The following SPAG17 variants were observed in gnomAD, a reference collection of about 807,000 sequenced individuals.
SPAG17 encodes sperm associated antigen 17.
A neutral mutation model predicts 273.6 loss-of-function variants in SPAG17; 169 were observed. That is an observed-to-expected ratio of 0.62 (90% CI 0.55 to 0.70). The LOEUF (loss-of-function observed/expected upper bound fraction) is 0.70, where lower values mean the gene tolerates loss of function less well. SPAG17 is among the 30% of genes least tolerant of loss of function. The pLI is 0.00. For missense variants in SPAG17, 2,557 were observed against 2,627.8 expected (o/e 0.97, Z 0.59); for synonymous variants, 825 against 873.2 (o/e 0.94, Z 0.97).
chr1:118,055,499 T>G (rs997152601), intron 19 of SPAG17, among the ~76,000 whole-genome samples: 2 of 152,124 alleles, frequency 1.3e-5, no homozygotes, highest in African/African-American at 2.4e-5. Flanking sequence ...GATGGAATCT[T>G]CCAGATTTGA....
intron 1 of SPAG17, among the ~76,000 whole-genome samples, chr1:118,168,244 G>A (rs913212783): frequency 6.6e-6 from 1 of 152,162 alleles, no homozygotes. Context: ...GGTGAGTGGT[G>A]ACATCATTCA....
In SPAG17 at chr1:117,991,490, C is replaced by CTTA. The variant is rs1657067717; in HGVS notation, c.5399_5400insTAA (p.Leu1800_Gln1801insLys). On this transcript the variant is annotated inframe_insertion, in exon 37 of 49. Transcript: ENST00000336338. ...TGGAATCTTTAACCATCATTTCCTG[C>CTTA]AGCTCATCTTCTTTCTTTAGAATAT... 1.2e-6 allele frequency: 2 copies of CTTA among 1,611,698 alleles called. No homozygotes were observed. Among genetic ancestry groups the CTTA allele is most frequent in the Admixed American group, 1.7e-5 (1 of 59,846 alleles).
intron 10 of SPAG17, among the ~76,000 whole-genome samples, chr1:118,089,820 A>ACTGTAATCC (rs1211300973): frequency 1.3e-5 from 2 of 152,224 alleles, no homozygotes; most frequent in Non-Finnish European, 2.9e-5. Flanking sequence ...CTCATCTCAA[A>ACTGTAATCC]CTGTAATCCC....
At position 118,074,547 on chromosome 1, in the gene SPAG17, G is replaced by T. The variant is rs879699441; in HGVS notation, c.2263C>A (p.His755Asn). 55 of 1,613,054 alleles carry T rather than the reference G, an allele frequency of 3.4e-5. No individual in the cohort carries two copies. The highest frequency in any genetic ancestry group is 4.3e-5 in the Non-Finnish European group (51 of 1,179,422). ...GAAAAATAATTCCTTACCTTTTCATGAGAATCAGCCTTTGTGACTGCATCA... is the reference window on the plus strand; with the variant it reads ...GAAAAATAATTCCTTACCTTTTCATTAGAATCAGCCTTTGTGACTGCATCA... ...KDDAVTKADS[H>N]EKKPKKMMVE... The change falls in exon 16 of 49, where the codon CAT becomes AAT. Residue 755 changes from histidine (H) to asparagine (N), a missense_variant. Transcript: ENST00000336338.
Position 118,091,948 on chromosome 1 carries a change from G to A in SPAG17, c.1228C>T (p.Pro410Ser). ...PGKKKAQYEE[P>S]QAPPPVTSVI... is the part of the protein sequence containing the mutation. Reference sequence around the variant, plus strand: ...TACATGCCTGGTGGTGGAGCTTGCGGTTCTTCATACTGTGCTTTCTTCTTT... The same window carrying A: ...TACATGCCTGGTGGTGGAGCTTGCGATTCTTCATACTGTGCTTTCTTCTTT... The change falls in exon 9 of 49, where the codon CCG (proline) becomes TCG (serine). Residue 410 changes from proline to serine, a missense_variant. Transcript: ENST00000336338. 6.2e-7 allele frequency: 1 copy of A among 1,613,704 alleles called. No homozygotes were observed. The highest frequency in any genetic ancestry group is 8.5e-7 in the Non-Finnish European group (1 of 1,179,668).
intron 1 of SPAG17, among the ~76,000 whole-genome samples, chr1:118,163,061 T>G (rs1660003610): frequency 6.6e-6 from 1 of 152,150 alleles, no homozygotes; most frequent in South Asian, 2.1e-4. Context: ...AGAATGGGGG[T>G]GAGGACAAGA....
In SPAG17 at chr1:118,031,814, G is replaced by T; in HGVS notation, c.3487C>A (p.Pro1163Thr). Residue 1163 changes from proline to threonine, a missense_variant, in exon 25 of 49, where the codon CCA becomes ACA. Pro to Thr is a conservative substitution (Grantham distance 38). Transcript: ENST00000336338. ...TILNIPSALTPTVVPVIVTVP... is the reference protein window; with the variant it reads ...TILNIPSALTTTVVPVIVTVP... ...GTCACTATAACAGGAACCACTGTTGGAGTGAGTGCTGAAGGGATATTCAAT... is the reference window on the plus strand; with the variant it reads ...GTCACTATAACAGGAACCACTGTTGTAGTGAGTGCTGAAGGGATATTCAAT... 6.2e-7 allele frequency: 1 copy of T among 1,613,528 alleles called. No homozygotes were observed. Among genetic ancestry groups the T allele is most frequent in the Non-Finnish European group, 8.5e-7 (1 of 1,179,604 alleles).
intron 43 of SPAG17, among the ~76,000 whole-genome samples, chr1:117,975,657 A>G (rs1655050638): frequency 6.6e-6 from 1 of 152,142 alleles, no homozygotes; most frequent in African/African-American, 2.4e-5. Context: ...AAGAATAGAG[A>G]TTTCCAGGGC....
chr1:118,004,407 A>C (rs763350833), intron 32 of SPAG17, among the ~76,000 whole-genome samples: 1 of 152,226 alleles, frequency 6.6e-6, no homozygotes, highest in Non-Finnish European at 1.5e-5. Context: ...CGTTCAGCTA[A>C]GCCCTGCCCA....
chr1:118,129,788 CTTCT>C (rs774926555), intron 3 of SPAG17, among the ~76,000 whole-genome samples: 5 of 149,300 alleles, frequency 3.3e-5, no homozygotes, highest in Non-Finnish European at 7.4e-5. Context: ...TCTTCCTCCT[CTTCT>C]TTGTCTTCTT....
At chr1:118,023,493 C>T (rs2101841278) in intron 27 of SPAG17, 30 bp from the exon 28 acceptor site, 1 of 1,594,738 alleles carries the variant, frequency 6.3e-7, no homozygotes, top group Middle Eastern at 1.7e-4. Flanking sequence ...TTTCAGCATT[C>T]TCAGAAGCAA....
At position 117,955,385 on chromosome 1, in the gene SPAG17, T is replaced by C. The variant is rs371321966; in HGVS notation, c.*1-1336A>G. Reference sequence around the variant, plus strand: ...TGAGTGAGTCCTTGCGCACAATTTTTGTAATCTGTCAGCAAACATTTATGA... The same window carrying C: ...TGAGTGAGTCCTTGCGCACAATTTTCGTAATCTGTCAGCAAACATTTATGA... On this transcript the variant is annotated intron_variant, in intron 48 of 48. Transcript: ENST00000336338. The C allele has an allele frequency of 4.0e-5, 65 of 1,608,230 alleles. No individual in the cohort carries two copies. The African/African-American group carries it at 8.4e-4, about 21-fold the overall frequency.
chr1:118,040,173 T>C (rs1251057225), intron 22 of SPAG17, among the ~76,000 whole-genome samples: 2 of 152,200 alleles, frequency 1.3e-5, no homozygotes, highest in African/African-American at 4.8e-5. Context: ...AAAAATTGGC[T>C]ATTTCCTTTC....
intron 4 of SPAG17, among the ~76,000 whole-genome samples, chr1:118,113,852 G>A (rs1656912997): frequency 6.6e-6 from 1 of 152,016 alleles, no homozygotes; most frequent in Non-Finnish European, 1.5e-5. Flanking sequence ...ATTGTTGCAA[G>A]CTTTAAAAAC....
rs983051531 is a variant in SPAG17 at position 117,955,159 on chromosome 1, T to G, written c.*1-1110A>C. The G allele has an allele frequency of 1.0e-4, 57 of 565,176 alleles. No homozygotes were observed. In the East Asian group the frequency reaches 1.7e-3, roughly 17 times the overall value. 35.0% of individuals were successfully genotyped at this position (565,176 alleles called of 1,614,324 possible). ...GGCAGAGTTCAGTTGTCAACCCAGA[T>G]CTGACTGACTCTAAACTCATGCAGA... On this transcript the variant is annotated intron_variant, in intron 48 of 48. Coordinates refer to ENST00000336338, the MANE Select transcript of SPAG17 (RefSeq NM_206996.4).
In SPAG17 at chr1:118,007,916, T is replaced by C. The variant is rs576583199; in HGVS notation, c.4587+128A>G. The C allele has an allele frequency of 1.7e-3, 1,520 of 875,444 alleles. 3 individuals are homozygous for C. Among genetic ancestry groups the C allele is most frequent in the Non-Finnish European group, 1.8e-3 (1,018 of 561,168 alleles). 54.2% of individuals were successfully genotyped at this position (875,444 alleles called of 1,614,324 possible). ...GTTTGAGAAGTATATTCTAAGATGT[T>C]AGTATTATAAGAGAATGAAAGCAAC... On this transcript the variant is annotated intron_variant, in intron 31 of 48. Transcript: ENST00000336338.
chr1:118,134,923 T>A (rs1160181339), intron 3 of SPAG17, among the ~76,000 whole-genome samples: 1 of 152,194 alleles, frequency 6.6e-6, no homozygotes, highest in Non-Finnish European at 1.5e-5. Flanking sequence ...TCTCAAAACT[T>A]TAAAAAGATT....
At chr1:118,093,074 T>G in intron 8 of SPAG17, 82 bp downstream of exon 8, 1 of 1,417,564 alleles carries the variant, frequency 7.1e-7, no homozygotes, top group Non-Finnish European at 9.6e-7. Context: ...ATGTAACTTT[T>G]TCTTCATATG....
intron 32 of SPAG17, among the ~76,000 whole-genome samples, chr1:118,002,832 G>T (rs1007932163): frequency 3.3e-5 from 5 of 152,112 alleles, no homozygotes; most frequent in African/African-American, 9.7e-5. Context: ...TACATTTAAG[G>T]TTAATATTGT....
Sources: gnomAD v4.1 joint callset for allele counts (sites outside exome capture counted in the v4.1 genomes callset) on GRCh38, gnomAD v4.1.1 for gene constraint, MANE v1.5 for transcripts, NCBI Gene and HGNC (gene_info 2026-07-23, HGNC 2026-07-21) for gene names.